Variants in CA4 observed in about 807,000 individuals in gnomAD.
CA4 encodes the protein carbonic anhydrase 4.
A neutral mutation model predicts 34.5 loss-of-function variants in CA4; 24 were observed. The observed-to-expected ratio is 0.70, with a 90% CI of 0.50 to 0.98. The LOEUF (loss-of-function observed/expected upper bound fraction) is 0.98, where lower values mean the gene tolerates loss of function less well. Among genes scored for constraint, CA4 ranks in the 50% least tolerant of loss-of-function variants. CA4 has a pLI of 0.00. For synonymous variants in CA4, 178 were observed against 170.6 expected, an observed-to-expected ratio of 1.04 and a Z score of -0.34; for missense variants, 394 against 396.7, an observed-to-expected ratio of 0.99 and a Z score of 0.06.
chr17:60,164,311 T>TCTAC (rs2083832273), downstream of CA4, among the ~76,000 whole-genome samples: 1 of 150,524 alleles, frequency 6.6e-6, no homozygotes, highest in South Asian at 2.1e-4. Context: ...TCTTTCTCTT[T>TCTAC]CTTCCTTCCT....
chr17:60,156,155 A>G (rs345187), intron 2 of CA4, among the ~76,000 whole-genome samples: 36,345 of 151,418 alleles, frequency 0.24, 9,808 homozygotes, highest in African/African-American at 0.67. Context: ...CTCTCCATCC[A>G]CCTCCTTTAA....
intron 2 of CA4, among the ~76,000 whole-genome samples, chr17:60,155,992 G>A (rs765413320): frequency 2.0e-5 from 3 of 152,084 alleles, no homozygotes; most frequent in Non-Finnish European, 2.9e-5. Flanking sequence ...AGTGCTGCCC[G>A]CTCCTGACCC....
At chr17:60,164,180 CTCTT>C (rs1302960472), downstream of CA4, among the ~76,000 whole-genome samples, 167 of 125,228 alleles carry the variant, frequency 1.3e-3, no homozygotes, top group African/African-American at 4.8e-3. Context: ...CTCTCTCTCT[CTCTT>C]TCTCTTTTTC....
At chr17:60,154,540 C>T (rs2083646115) in intron 1 of CA4, among the ~76,000 whole-genome samples, 1 of 152,236 alleles carries the variant, frequency 6.6e-6, no homozygotes. Context: ...TTTAGGCTCA[C>T]ATAAAAATTC....
At chr17:60,179,004 C>A in the CA4 span, 1 of 394,414 alleles carries the variant, frequency 2.5e-6, no homozygotes, top group Non-Finnish European at 4.5e-6. Context: ...TGGTGCCAAA[C>A]CTTTTGTTTA....
rs9894792 is a variant in CA4 at position 60,167,672 on chromosome 17, G to A, written c.*179-2879G>A. 6.6e-3 allele frequency among the ~76,000 whole-genome samples: 1,002 copies of A among 152,306 alleles called. 11 individuals are homozygous for A. Among genetic ancestry groups the A allele is most frequent in the African/African-American group, 0.023 (960 of 41,568 alleles). On this transcript the variant is annotated intron_variant and NMD_transcript_variant, in intron 5 of 5. Coordinates refer to the CA4 transcript ENST00000586876. The stretch of plus-strand genomic sequence containing the variant: ...CTATTTATGCCAGCTTTCCTTCAGG[G>A]GCTGACACAGTCAACCTGGTATCAT...
downstream of CA4, among the ~76,000 whole-genome samples, chr17:60,161,610 C>T (rs1314433700): frequency 1.3e-5 from 2 of 152,048 alleles, no homozygotes; most frequent in South Asian, 2.1e-4. Context: ...ACCCCGAGCC[C>T]CCCATGCCCC....
intron 3 of CA4, 105 bp from the exon 4 acceptor site, chr17:60,157,322 G>A: frequency 6.1e-6 from 8 of 1,318,508 alleles, no homozygotes; most frequent in South Asian, 2.5e-5. Context: ...GCTCATGAAG[G>A]TTGGGAGGCA....
In CA4 at chr17:60,156,725, A is replaced by T. The variant is rs773462663; in HGVS notation, c.268+10A>T. On this transcript the variant is annotated intron_variant, in intron 3 of 7. Coordinates refer to ENST00000300900, the MANE Select transcript of CA4 (RefSeq NM_000717.5). Reference sequence around the variant, plus strand: ...AATAACGGGCACTCAGGTGGGCTGGATGGAGGCCCCAGGCAGGCCTGGGCA... The same window carrying T: ...AATAACGGGCACTCAGGTGGGCTGGTTGGAGGCCCCAGGCAGGCCTGGGCA... 8.6e-5 allele frequency: 139 copies of T among 1,613,018 alleles called. 1 individual carries two copies. In the South Asian group the frequency reaches 1.4e-3, roughly 17 times the overall value.
At chr17:60,162,363 CCA>C (rs976991507), downstream of CA4, among the ~76,000 whole-genome samples, 4 of 152,174 alleles carry the variant, frequency 2.6e-5, no homozygotes, top group African/African-American at 9.7e-5. Context: ...TCCACCACCC[CCA>C]GCAGACCCCC....
At chr17:60,178,268 T>C in the CA4 span, among the ~76,000 whole-genome samples, 2 of 152,160 alleles carry the variant, frequency 1.3e-5, no homozygotes, top group Non-Finnish European at 2.9e-5. Context: ...TTGCATGTGT[T>C]CTCTCTTTTT....
intron 5 of CA4, among the ~76,000 whole-genome samples, chr17:60,165,125 C>A (rs546755237): frequency 6.6e-6 from 1 of 152,216 alleles, no homozygotes; most frequent in African/African-American, 2.4e-5. Context: ...AGGCAAGACC[C>A]ACAGGTGGGG....
At chr17:60,165,770 T>C (rs1053636844) in intron 5 of CA4, among the ~76,000 whole-genome samples, 5 of 151,830 alleles carry the variant, frequency 3.3e-5, no homozygotes. Flanking sequence ...TCTAGATGGG[T>C]TCACCTAGAC....
At chr17:60,157,962 A>G in intron 5 of CA4, 99 bp from the exon 6 acceptor site, 1 of 1,564,396 alleles carries the variant, frequency 6.4e-7, no homozygotes, top group Non-Finnish European at 8.7e-7. Flanking sequence ...CCTCAATCCC[A>G]GAAGCTGCCT....
downstream of CA4, chr17:60,159,586 A>T (rs912144651): frequency 1.3e-6 from 1 of 782,478 alleles, no homozygotes. Flanking sequence ...CAACTACCCC[A>T]CCCTGTCCCC....
At chr17:60,153,848 TG>T (rs2083633637) in intron 1 of CA4, among the ~76,000 whole-genome samples, 1 of 152,104 alleles carries the variant, frequency 6.6e-6, no homozygotes, top group African/African-American at 2.4e-5. Context: ...GGGCTGGGGA[TG>T]GGCCATCAGG....
At chr17:60,163,628 G>T (rs773855866), downstream of CA4, among the ~76,000 whole-genome samples, 9 of 152,206 alleles carry the variant, frequency 5.9e-5, no homozygotes, top group Non-Finnish European at 1.0e-4. Flanking sequence ...GATGTCCAAG[G>T]CCCAGGGAGG....
At position 60,158,887 on chromosome 17, in the gene CA4, A is replaced by C; in HGVS notation, c.745-343A>C. 1.6e-5 allele frequency: 7 copies of C among 433,400 alleles called. No homozygotes were observed. The South Asian group carries it at 1.6e-4, about 10-fold the overall frequency. 26.8% of individuals were successfully genotyped at this position (433,400 alleles called of 1,614,324 possible). ...ATCAGGAACTCTGGGGGTGGAGCCC[A>C]GGCATCTGGGGCCCAACAAGCCCGC... On this transcript the variant is annotated intron_variant, in intron 7 of 7. Transcript: ENST00000300900.
downstream of CA4, among the ~76,000 whole-genome samples, chr17:60,162,246 TG>T (rs1476014751): frequency 6.6e-6 from 1 of 152,170 alleles, no homozygotes; most frequent in Non-Finnish European, 1.5e-5. Flanking sequence ...CCCCGGGCAC[TG>T]GCCCCCACCT....
Sources: allele counts gnomAD v4.1 joint callset (sites outside exome capture counted in the v4.1 genomes callset), GRCh38; gene constraint gnomAD v4.1.1; transcripts MANE v1.5; gene names NCBI Gene and HGNC (gene_info 2026-07-23, HGNC 2026-07-21).